STAG2: variants seen among roughly 807,000 people sequenced by gnomAD.
The protein encoded by STAG2 is cohesin subunit SA-2.
A neutral mutation model predicts 108.1 loss-of-function variants in STAG2; 14 were observed. That is an observed-to-expected ratio of 0.13 (90% CI 0.09 to 0.20). The LOEUF (loss-of-function observed/expected upper bound fraction) is 0.20. Ranked by LOEUF, STAG2 falls within the 10% of genes least tolerant of loss-of-function variation. The pLI is 1.00. For missense variants in STAG2, 440 were observed against 940.9 expected (o/e 0.47, Z 6.96); for synonymous variants, 307 against 302.7 (o/e 1.01, Z -0.15).
At chrX:123,998,212 A>G (rs1221966963) in intron 1 of STAG2, among the ~76,000 whole-genome samples, 1 of 95,814 alleles carries the variant, frequency 1.0e-5, no homozygotes, top group African/African-American at 4.1e-5. Flanking sequence ...TCTGTCACCC[A>G]GGCTGGAGTG....
At chrX:124,059,228 A>G in intron 15 of STAG2, among the ~76,000 whole-genome samples, 1 of 112,083 alleles carries the variant, frequency 8.9e-6, no homozygotes, top group Non-Finnish European at 1.9e-5. Flanking sequence ...GAGGCACAAG[A>G]ATCGCTTGAA....
intron 1 of STAG2, among the ~76,000 whole-genome samples, chrX:123,996,878 T>C (rs948093113): frequency 1.8e-5 from 2 of 112,708 alleles, no homozygotes; most frequent in Admixed American, 9.4e-5. Flanking sequence ...TTTAGGTTTT[T>C]ACATTTGAGT....
At chrX:124,044,782 T>A (rs1220706092) in intron 7 of STAG2, among the ~76,000 whole-genome samples, 2 of 112,423 alleles carry the variant, frequency 1.8e-5, no homozygotes, top group African/African-American at 6.5e-5. Flanking sequence ...TTTGAGAGTA[T>A]AATTTCCATC....
In STAG2 at chrX:123,991,327, T is replaced by A. The variant is rs772455168; in HGVS notation, c.-163+29471T>A. Among the ~76,000 whole-genome samples the A allele has an allele frequency of 3.6e-5, 4 of 112,004 alleles. No homozygotes were observed. The South Asian group carries it at 1.5e-3, about 41-fold the overall frequency. The stretch of plus-strand genomic sequence containing the variant: ...CTGAACATATAGAGATTTTTTCTTG[T>A]CATTTTCCACTAAGTAATATGGTAT... On this transcript the variant is annotated intron_variant, in intron 1 of 34. Transcript: ENST00000371145.
intron 1 of STAG2, among the ~76,000 whole-genome samples, chrX:123,968,870 T>G (rs966441076): frequency 5.4e-5 from 6 of 111,900 alleles, no homozygotes; most frequent in Non-Finnish European, 1.1e-4. Context: ...CTCATCATTT[T>G]ACACGTGGGG....
intron 1 of STAG2, among the ~76,000 whole-genome samples, chrX:123,983,415 C>T (rs1348733017): frequency 2.7e-5 from 3 of 111,136 alleles, no homozygotes; most frequent in African/African-American, 9.8e-5. Flanking sequence ...AGTGGATAGC[C>T]AATTCGTGGA....
intron 33 of STAG2, 116 bp from the exon 34 acceptor site, chrX:124,095,256 G>A: frequency 1.7e-6 from 1 of 581,730 alleles, no homozygotes; most frequent in Non-Finnish European, 2.8e-6. Context: ...TTAAAATATT[G>A]TGTCAGGTAC....
chrX:124,049,875 C>T (rs773392560), intron 10 of STAG2, among the ~76,000 whole-genome samples: 1 of 112,054 alleles, frequency 8.9e-6, no homozygotes, highest in South Asian at 3.7e-4. Context: ...GACAAGTGTG[C>T]CTGCTGTCTT....
intron 1 of STAG2, among the ~76,000 whole-genome samples, chrX:123,962,970 A>G (rs2147439960): frequency 8.9e-6 from 1 of 112,371 alleles, no homozygotes; most frequent in African/African-American, 3.2e-5. Flanking sequence ...TTGCTTAAGC[A>G]CGAAGCTTCT....
At position 124,035,685 on chromosome X, in the gene STAG2, C is replaced by G. The variant is rs1056778876; in HGVS notation, c.289-1842C>G. Reference sequence around the variant, plus strand: ...GAAGCTTCTTTACTCATGTTTAGTGCCTAGTCTGTAGTGATATGAAGGCTG... The same window carrying G: ...GAAGCTTCTTTACTCATGTTTAGTGGCTAGTCTGTAGTGATATGAAGGCTG... On this transcript the variant is annotated intron_variant, in intron 5 of 34. Coordinates refer to ENST00000371145, the MANE Select transcript of STAG2 (RefSeq NM_001042750.2). Among the ~76,000 whole-genome samples the G allele has an allele frequency of 2.7e-5, 3 of 111,949 alleles. No individual in the cohort carries two copies. In the Admixed American group the frequency reaches 2.9e-4, roughly 11 times the overall value.
intron 24 of STAG2, among the ~76,000 whole-genome samples, chrX:124,069,138 G>A (rs867446163): frequency 9.0e-6 from 1 of 111,499 alleles, no homozygotes; most frequent in African/African-American, 3.3e-5. Context: ...CCTTCCCAAC[G>A]CGTATGCCTT....
At chrX:124,001,189 C>G (rs1277870488) in intron 1 of STAG2, among the ~76,000 whole-genome samples, 1 of 111,028 alleles carries the variant, frequency 9.0e-6, no homozygotes, top group African/African-American at 3.3e-5. Context: ...CTTCTGGGTT[C>G]AAGCGATTCT....
intron 1 of STAG2, among the ~76,000 whole-genome samples, chrX:124,018,555 C>A (rs913755520): frequency 6.3e-5 from 7 of 110,914 alleles, no homozygotes; most frequent in African/African-American, 2.3e-4. Flanking sequence ...GGCTGGAGTG[C>A]AATGGTGTGA....
chrX:124,023,095 T>A (rs899794054), intron 3 of STAG2, among the ~76,000 whole-genome samples: 1 of 112,484 alleles, frequency 8.9e-6, no homozygotes, highest in Non-Finnish European at 1.9e-5. Context: ...TACATGTATA[T>A]TGGTCCAGAA....
At chrX:124,046,885 T>C (rs2057895615) in intron 8 of STAG2, among the ~76,000 whole-genome samples, 1 of 112,244 alleles carries the variant, frequency 8.9e-6, no homozygotes, top group Admixed American at 9.5e-5. Flanking sequence ...TATAATTTGA[T>C]GTAAAGCCAT....
chrX:123,982,521 A>G (rs1010405507), intron 1 of STAG2, among the ~76,000 whole-genome samples: 3 of 110,618 alleles, frequency 2.7e-5, no homozygotes, highest in South Asian at 7.7e-4. Flanking sequence ...CCTTCTGAGT[A>G]GCTGGGATTA....
rs1177905398 is a variant in STAG2 at position 123,997,182 on chromosome X, T to A, written c.-162-24185T>A. Among the ~76,000 whole-genome samples the A allele has an allele frequency of 4.4e-5, 5 of 112,384 alleles. No homozygotes were observed. The East Asian group carries it at 1.1e-3, about 25-fold the overall frequency. ...TAGTGTGAGTCTTCCAACTTTGTTC[T>A]TTTTCAAAATGGTTTTGGTTATTCT... On this transcript the variant is annotated intron_variant, in intron 1 of 34. Transcript: ENST00000371145.
chrX:123,992,602 A>G (rs767172303), intron 1 of STAG2, among the ~76,000 whole-genome samples: 2 of 110,014 alleles, frequency 1.8e-5, no homozygotes, highest in Non-Finnish European at 1.9e-5. Context: ...GCAGTGGCTC[A>G]ATCTCGGCTC....
intron 1 of STAG2, among the ~76,000 whole-genome samples, chrX:123,975,243 G>A (rs1215497707): frequency 8.9e-6 from 1 of 111,896 alleles, no homozygotes; most frequent in East Asian, 2.8e-4. Flanking sequence ...AAGATAAAAT[G>A]TAGGAAATAT....
Sources: gnomAD v4.1 joint callset for allele counts (sites outside exome capture counted in the v4.1 genomes callset) on GRCh38, gnomAD v4.1.1 for gene constraint, MANE v1.5 for transcripts, NCBI Gene and HGNC (gene_info 2026-07-23, HGNC 2026-07-21) for gene names.